HSPBAP1: variants seen among roughly 807,000 people sequenced by gnomAD.
The protein encoded by HSPBAP1 is HSPB1-associated protein 1.
Under a neutral mutation model 45.2 loss-of-function variants are expected in HSPBAP1, and 27 were observed. That is an observed-to-expected ratio of 0.60 (90% CI 0.44 to 0.82). The LOEUF is 0.82. HSPBAP1 is among the 40% of genes least tolerant of loss of function. The pLI, the probability that HSPBAP1 is intolerant of heterozygous loss-of-function variation, is 0.00. For synonymous variants in HSPBAP1, 204 were observed against 202.7 expected (o/e 1.01, Z -0.06); for missense variants, 510 against 590.9 (o/e 0.86, Z 1.42).
chr3:122,786,916 A>T (rs561883749), intron 1 of HSPBAP1, among the ~76,000 whole-genome samples: 100 of 152,354 alleles, frequency 6.6e-4, no homozygotes, highest in Non-Finnish European at 1.2e-3. Flanking sequence ...ATGAATTTAA[A>T]TGTTACAATT....
chr3:122,751,841 T>C (rs575493840), intron 6 of HSPBAP1, among the ~76,000 whole-genome samples: 1 of 152,350 alleles, frequency 6.6e-6, no homozygotes, highest in South Asian at 2.1e-4. Flanking sequence ...ATATTCCTTC[T>C]GTTCCACTGA....
At chr3:122,746,671 C>T (rs1434208616) in intron 6 of HSPBAP1, among the ~76,000 whole-genome samples, 4 of 150,456 alleles carry the variant, frequency 2.7e-5, no homozygotes, top group African/African-American at 9.7e-5. Flanking sequence ...TCTCCCTCTC[C>T]CTCTCTTTCC....
At chr3:122,793,464 C>T (rs1935900009) in intron 1 of HSPBAP1, among the ~76,000 whole-genome samples, 153 bp downstream of exon 1, 1 of 152,232 alleles carries the variant, frequency 6.6e-6, no homozygotes, top group African/African-American at 2.4e-5. Flanking sequence ...AGAAATGCCA[C>T]GCTCACTAGA....
intron 5 of HSPBAP1, chr3:122,753,436 T>G: frequency 1.0e-6 from 1 of 982,198 alleles, no homozygotes; most frequent in Non-Finnish European, 1.2e-6. Flanking sequence ...TGAGAAATTC[T>G]AAGTAGGGGG....
Position 122,746,799 on chromosome 3 carries a change from C to T in HSPBAP1, c.826-5686G>A, listed in dbSNP as rs113839195. ...TGCCGAGTGCCTGCGATTGCAGGCG[C>T]GCGCCGCCACGCCTGGCTGGTTTTC... On this transcript the variant is annotated intron_variant, in intron 6 of 7. Coordinates refer to ENST00000306103, the MANE Select transcript of HSPBAP1 (RefSeq NM_024610.6). 3.2e-3 allele frequency among the ~76,000 whole-genome samples: 482 copies of T among 152,198 alleles called. 4 individuals carry two copies. Among genetic ancestry groups the T allele is most frequent in the African/African-American group, 9.8e-3 (408 of 41,508 alleles).
chr3:122,771,433 C>T (rs1934993451), intron 2 of HSPBAP1, among the ~76,000 whole-genome samples: 1 of 152,286 alleles, frequency 6.6e-6, no homozygotes, highest in Non-Finnish European at 1.5e-5. Flanking sequence ...AGAAGCTCAA[C>T]TGAGGTCAGG....
Position 122,752,824 on chromosome 3 carries a change from C to A in HSPBAP1, c.742-150G>T, listed in dbSNP as rs190883495. On this transcript the variant is annotated intron_variant, in intron 5 of 7. Coordinates refer to ENST00000306103, the MANE Select transcript of HSPBAP1 (RefSeq NM_024610.6). ...GAGAAAAGTAAAGTAAGAAAAAAAA[C>A]CCCGCAAACCTTTTTTCCTTTTATT... 7.0e-4 allele frequency: 979 copies of A among 1,391,820 alleles called. 15 individuals are homozygous for A. The African/African-American group carries it at 0.013, about 18-fold the overall frequency. 86.2% of individuals were successfully genotyped at this position (1,391,820 alleles called of 1,614,324 possible).
chr3:122,770,464 C>T (rs547948842), intron 2 of HSPBAP1, among the ~76,000 whole-genome samples: 1 of 152,174 alleles, frequency 6.6e-6, no homozygotes, highest in South Asian at 2.1e-4. Context: ...TTTGGGAGGC[C>T]GAGGTGGGAG....
chr3:122,756,161 T>G (rs1375746396), intron 4 of HSPBAP1, among the ~76,000 whole-genome samples: 1 of 151,968 alleles, frequency 6.6e-6, no homozygotes, highest in African/African-American at 2.4e-5. Flanking sequence ...GACATCTAGA[T>G]GTCTAGATGG....
chr3:122,775,791 T>C (rs1576265172), intron 2 of HSPBAP1, among the ~76,000 whole-genome samples: 1 of 152,160 alleles, frequency 6.6e-6, no homozygotes, highest in Non-Finnish European at 1.5e-5. Context: ...GAAATGAAAA[T>C]ACATGTCCAC....
intron 1 of HSPBAP1, among the ~76,000 whole-genome samples, chr3:122,778,223 T>TG (rs1470187507): frequency 2.0e-5 from 3 of 151,252 alleles, no homozygotes; most frequent in Admixed American, 6.6e-5. Context: ...TTGTTGTTTT[T>TG]TTTTTTTAAT....
At position 122,740,729 on chromosome 3, in the gene HSPBAP1, C is replaced by A. The variant is rs747800045; in HGVS notation, c.1083G>T (p.Val361=). The part of the protein sequence containing the change: ...GEHMKKEELN[V]CNHMEVGQTG... Reference sequence around the variant, plus strand: ...TTTGGCCCACCTCCATGTGGTTGCACACATTTAATTCTTCCTTTTTCATGT... The same window carrying A: ...TTTGGCCCACCTCCATGTGGTTGCAAACATTTAATTCTTCCTTTTTCATGT... Residue 361 remains valine (V), a synonymous_variant, in exon 8 of 8, where the codon GTG becomes GTT. Transcript: ENST00000306103. The A allele has an allele frequency of 8.7e-6, 14 of 1,614,018 alleles. No homozygotes were observed. The highest frequency in any genetic ancestry group is 1.7e-5 in the Admixed American group (1 of 60,004).
intron 2 of HSPBAP1, among the ~76,000 whole-genome samples, chr3:122,775,949 A>G (rs866143266): frequency 1.1e-4 from 16 of 152,272 alleles, no homozygotes; most frequent in Admixed American, 3.9e-4. Flanking sequence ...GAATTGAAGT[A>G]CTGATATGTA....
chr3:122,753,011 G>C, intron 5 of HSPBAP1: 1 of 1,024,914 alleles, frequency 9.8e-7, no homozygotes, highest in South Asian at 4.0e-5. Context: ...TGCATTCTGA[G>C]AAAGGGCATA....
At chr3:122,755,129 A>T in intron 5 of HSPBAP1, 131 bp downstream of exon 5, 1 of 1,188,442 alleles carries the variant, frequency 8.4e-7, no homozygotes, top group Non-Finnish European at 1.1e-6. Flanking sequence ...ACCTTCCAAC[A>T]GCAGAGCAGA....
At position 122,740,847 on chromosome 3, in the gene HSPBAP1, C is replaced by T; in HGVS notation, c.965G>A (p.Cys322Tyr). ...EVEETSHAVN[C>Y]CYLNAAVSAF... ...AGAAACAGCTGCATTTAAGTAGCAA[C>T]AGTTGACTGCATGGGACGTTTCCTC... Residue 322 changes from cysteine to tyrosine, a missense_variant, in exon 8 of 8, where the codon TGT (cysteine) becomes TAT (tyrosine). Physicochemically the swap from Cys to Tyr is radical, Grantham distance 194. Transcript: ENST00000306103. 1 of 1,614,144 alleles carries T rather than the reference C, an allele frequency of 6.2e-7. No homozygotes were observed. The highest frequency in any genetic ancestry group is 1.3e-5 in the African/African-American group (1 of 75,060).
chr3:122,777,436 A>G (rs375635861), intron 2 of HSPBAP1, among the ~76,000 whole-genome samples: 1 of 152,244 alleles, frequency 6.6e-6, no homozygotes, highest in Admixed American at 6.5e-5. Context: ...CATTTAATGA[A>G]CCACAATAAT....
chr3:122,762,861 A>G (rs906048168), intron 3 of HSPBAP1, among the ~76,000 whole-genome samples: 2 of 152,196 alleles, frequency 1.3e-5, no homozygotes, highest in Admixed American at 6.5e-5. Context: ...GGAGTGTTTT[A>G]TAAATGTCAA....
chr3:122,786,232 A>G (rs1375921735), intron 1 of HSPBAP1, among the ~76,000 whole-genome samples: 1 of 151,920 alleles, frequency 6.6e-6, no homozygotes, highest in Non-Finnish European at 1.5e-5. Flanking sequence ...CTCCCTCTAC[A>G]CTGTTCTGTG....
Sources: gnomAD v4.1 joint callset for allele counts (sites outside exome capture counted in the v4.1 genomes callset) on GRCh38, gnomAD v4.1.1 for gene constraint, MANE v1.5 for transcripts, NCBI Gene and HGNC (gene_info 2026-07-23, HGNC 2026-07-21) for gene names.